The following UACA variants were observed in gnomAD, a reference collection of about 807,000 sequenced individuals.
The protein encoded by UACA is uveal autoantigen with coiled-coil domains and ankyrin repeats, also known as nuclear membrane binding protein.
UACA carries 112 observed loss-of-function variants against 160.5 expected under a neutral mutation model. The observed-to-expected ratio is 0.70, with a 90% CI of 0.60 to 0.82. The LOEUF is 0.82. Among genes scored for constraint, UACA ranks in the 40% least tolerant of loss-of-function variants. The pLI is 0.00. For synonymous variants in UACA, 557 were observed against 568.4 expected, an observed-to-expected ratio of 0.98 and a Z score of 0.29; for missense variants, 1,574 against 1,614.6, an observed-to-expected ratio of 0.97 and a Z score of 0.43.
chr15:70,677,975 C>G (rs768795420), intron 11 of UACA, 124 bp downstream of exon 11: 7 of 633,132 alleles, frequency 1.1e-5, no homozygotes, highest in Non-Finnish European at 1.8e-5. Context: ...AAATCCTGGT[C>G]CCCAGTAAGA....
At chr15:70,713,185 A>G (rs1458989755) in intron 1 of UACA, among the ~76,000 whole-genome samples, 1 of 152,148 alleles carries the variant, frequency 6.6e-6, no homozygotes, top group Admixed American at 6.5e-5. Context: ...AGTAGTCTCT[A>G]CTAAAAATAC....
chr15:70,675,128 TG>T (rs908135098), intron 13 of UACA, among the ~76,000 whole-genome samples: 13 of 147,512 alleles, frequency 8.8e-5, no homozygotes, highest in African/African-American at 3.3e-4. Flanking sequence ...AAACCCCTCA[TG>T]GGTAAACCTC....
At chr15:70,694,230 C>T (rs1218071233) in intron 3 of UACA, among the ~76,000 whole-genome samples, 1 of 151,766 alleles carries the variant, frequency 6.6e-6, no homozygotes, top group Admixed American at 6.6e-5. Context: ...AAAACTAGCA[C>T]TCTCATGGAA....
At chr15:70,682,302 A>G (rs151179353) in intron 9 of UACA, among the ~76,000 whole-genome samples, 34 of 152,356 alleles carry the variant, frequency 2.2e-4, no homozygotes, top group African/African-American at 8.2e-4. Flanking sequence ...TAACAGTGGC[A>G]TTGAAATCAC....
chr15:70,738,291 C>T (rs991926302), intron 1 of UACA, among the ~76,000 whole-genome samples: 2 of 151,608 alleles, frequency 1.3e-5, no homozygotes, highest in African/African-American at 2.4e-5. Context: ...CCTTGCCTCC[C>T]CCTACAGTTT....
chr15:70,687,534 A>T lies in UACA; in HGVS notation c.602+6T>A. 6.2e-7 allele frequency: 1 copy of T among 1,613,342 alleles called. No homozygotes were observed. ...TGGTATCTGGGAGCCATGATAAAAG[A>T]ATTACCTGTTTTGTTTGTCTCTGGA... On this transcript the variant is annotated splice_donor_region_variant and intron_variant, in intron 7 of 18. Coordinates refer to ENST00000322954, the MANE Select transcript of UACA (RefSeq NM_018003.4).
intron 1 of UACA, among the ~76,000 whole-genome samples, chr15:70,722,083 A>C (rs960738778): frequency 2.0e-5 from 3 of 152,226 alleles, no homozygotes; most frequent in Non-Finnish European, 4.4e-5. Context: ...GGCCTTTTCG[A>C]TATGAAAAAT....
At chr15:70,718,821 G>A (rs1017867174) in intron 1 of UACA, among the ~76,000 whole-genome samples, 3 of 152,112 alleles carry the variant, frequency 2.0e-5, no homozygotes, top group African/African-American at 7.2e-5. Flanking sequence ...TTGAAACCAG[G>A]TGGCAGAAAG....
chr15:70,757,238 T>C (rs1242094722), intron 1 of UACA, among the ~76,000 whole-genome samples: 3 of 152,196 alleles, frequency 2.0e-5, no homozygotes, highest in African/African-American at 7.2e-5. Flanking sequence ...ATGACAATAA[T>C]CAAAATTATT....
Position 70,656,984 on chromosome 15 carries a change from A to G in UACA, c.*72T>C. 1 of 1,258,984 alleles carries G rather than the reference A, an allele frequency of 7.9e-7. No individual in the cohort carries two copies. The highest frequency in any genetic ancestry group is 1.2e-5 in the South Asian group (1 of 81,262). The allele number at this position is 1,258,984 out of a possible 1,614,324, so 78.0% of individuals were successfully genotyped here. A position where few individuals can be genotyped will look rare whatever the true frequency, so the allele number is the denominator to read the frequency against. ...TATACCAGCACAGTAAGGCCCAGAAAGACCATGGAGTTGCACAAAGAATGT... is the reference window on the plus strand; with the variant it reads ...TATACCAGCACAGTAAGGCCCAGAAGGACCATGGAGTTGCACAAAGAATGT... On this transcript the variant is annotated 3_prime_UTR_variant, in exon 19 of 19. Coordinates refer to ENST00000322954, the MANE Select transcript of UACA (RefSeq NM_018003.4).
chr15:70,770,789 T>G, the UACA span, among the ~76,000 whole-genome samples: 2 of 152,342 alleles, frequency 1.3e-5, no homozygotes, highest in South Asian at 4.1e-4. Flanking sequence ...TACTGAGACA[T>G]TGAGCTCTAA....
At chr15:70,682,700 C>T in intron 9 of UACA, 58 bp downstream of exon 9, 1 of 1,087,920 alleles carries the variant, frequency 9.2e-7, no homozygotes, top group South Asian at 2.2e-5. Context: ...ACTAGTTTTA[C>T]TAAGCACTTT....
At chr15:70,690,014 T>C (rs1318484634) in intron 5 of UACA, among the ~76,000 whole-genome samples, 1 of 152,188 alleles carries the variant, frequency 6.6e-6, no homozygotes, top group African/African-American at 2.4e-5. Context: ...AGTAGTATTA[T>C]TAACTTCATT....
chr15:70,728,591 A>G (rs1347990233), intron 1 of UACA, among the ~76,000 whole-genome samples: 1 of 151,250 alleles, frequency 6.6e-6, no homozygotes, highest in African/African-American at 2.4e-5. Flanking sequence ...AAAAAAACAT[A>G]GAAAAAAAAC....
chr15:70,660,834 C>T (rs972062347), intron 17 of UACA: 8 of 152,174 alleles, frequency 5.3e-5, no homozygotes, highest in African/African-American at 1.9e-4. Context: ...ATTCACATAA[C>T]TTTTATTACA....
chr15:70,678,229 G>A (rs1165165836), intron 10 of UACA, 23 bp from the exon 11 acceptor site: 4 of 1,560,624 alleles, frequency 2.6e-6, no homozygotes, highest in East Asian at 2.3e-5. Context: ...AGACAACAAG[G>A]TGCCAGGCCA....
intron 1 of UACA, among the ~76,000 whole-genome samples, chr15:70,741,931 C>T (rs1469450753): frequency 6.6e-6 from 1 of 152,042 alleles, no homozygotes; most frequent in African/African-American, 2.4e-5. Context: ...ATAATTTGTT[C>T]TAGGATACAC....
chr15:70,683,396 A>G (rs1403492718), intron 8 of UACA, among the ~76,000 whole-genome samples: 1 of 152,102 alleles, frequency 6.6e-6, no homozygotes, highest in Non-Finnish European at 1.5e-5. Context: ...AAAAGCTCCT[A>G]AATTCGAAGG....
the UACA span, among the ~76,000 whole-genome samples, chr15:70,774,430 C>A: frequency 1.9e-3 from 291 of 151,820 alleles, 1 homozygote; most frequent in Middle Eastern, 0.01. Context: ...CCTGTAGTCC[C>A]AGCTACTCGG....
Sources: allele counts gnomAD v4.1 joint callset (sites outside exome capture counted in the v4.1 genomes callset), GRCh38; gene constraint gnomAD v4.1.1; transcripts MANE v1.5; gene names NCBI Gene and HGNC (gene_info 2026-07-23, HGNC 2026-07-21).